Variants in DPP6 observed in about 807,000 individuals in gnomAD.
The protein encoded by DPP6 is A-type potassium channel modulatory protein DPP6.
Under a neutral mutation model 122.6 loss-of-function variants are expected in DPP6, and 69 were observed. The ratio of observed to expected loss-of-function variants is 0.56; its 90% CI spans 0.46 to 0.69. The LOEUF (loss-of-function observed/expected upper bound fraction) is 0.69. DPP6 is among the 30% of genes least tolerant of loss of function. The pLI is 0.00. For synonymous variants in DPP6, 418 were observed against 433.1 expected (o/e 0.97, Z 0.43); for missense variants, 928 against 1,116.9 (o/e 0.83, Z 2.41).
intron 8 of DPP6, among the ~76,000 whole-genome samples, chr7:154,731,432 T>C (rs1842336006): frequency 6.6e-6 from 1 of 152,220 alleles, no homozygotes; most frequent in African/African-American, 2.4e-5. Flanking sequence ...TGGGCAGCCA[T>C]AGAGGCTTCT....
intron 6 of DPP6, among the ~76,000 whole-genome samples, chr7:154,654,215 G>T (rs576070753): frequency 6.6e-6 from 1 of 152,008 alleles, no homozygotes; most frequent in Non-Finnish European, 1.5e-5. Context: ...ATCTGCAGGG[G>T]TGTCCCGGAA....
At chr7:154,074,035 G>A (rs74711974) in intron 1 of DPP6, among the ~76,000 whole-genome samples, 2 of 100,202 alleles carry the variant, frequency 2.0e-5, no homozygotes, top group African/African-American at 3.1e-5. Flanking sequence ...ATGTATGTAT[G>A]TATGTAAGTA....
chr7:154,589,579 C>T (rs1035977548), intron 5 of DPP6, among the ~76,000 whole-genome samples: 3 of 152,218 alleles, frequency 2.0e-5, no homozygotes, highest in South Asian at 2.1e-4. Flanking sequence ...ATTACCCACA[C>T]GTGGCTCTTG....
rs114582447 is a variant in DPP6 at position 154,130,106 on chromosome 7, A to G, written c.243+77043A>G. Among the ~76,000 whole-genome samples, 467 of 152,140 alleles carry G rather than the reference A, an allele frequency of 3.1e-3. 2 individuals are homozygous for G. Among genetic ancestry groups the G allele is most frequent in the African/African-American group, 0.01 (427 of 41,516 alleles). On this transcript the variant is annotated intron_variant, in intron 1 of 25. Transcript: ENST00000377770. Reference sequence around the variant, plus strand: ...TCTGTCCCCCCACACACACAAAAAAAAAAGGAAAGAAAAAAAGAAAAGAAA... The same window carrying G: ...TCTGTCCCCCCACACACACAAAAAAGAAAGGAAAGAAAAAAAGAAAAGAAA...
At chr7:154,623,538 A>ACACACACACACGCACACACGCAACACG (rs1491215895) in intron 5 of DPP6, among the ~76,000 whole-genome samples, 3 of 151,644 alleles carry the variant, frequency 2.0e-5, no homozygotes, top group Non-Finnish European at 2.9e-5. Context: ...GATTTTACAA[A>ACACACACACACGCACACACGCAACACG]CACACACACA....
At chr7:154,652,445 G>T (rs1368043768) in intron 6 of DPP6, among the ~76,000 whole-genome samples, 3 of 148,542 alleles carry the variant, frequency 2.0e-5, no homozygotes, top group Admixed American at 6.7e-5. Flanking sequence ...CACTTAGATT[G>T]GTTTAAAATA....
chr7:153,804,059 T>TC, the DPP6 span, among the ~76,000 whole-genome samples: 3 of 151,694 alleles, frequency 2.0e-5, no homozygotes, highest in Non-Finnish European at 1.5e-5. Flanking sequence ...AGTACTTTTT[T>TC]TTTTTTTTGA....
chr7:154,376,876 T>C (rs1342330984), intron 1 of DPP6, among the ~76,000 whole-genome samples: 1 of 152,208 alleles, frequency 6.6e-6, no homozygotes, highest in Non-Finnish European at 1.5e-5. Flanking sequence ...GGAGAAATTG[T>C]TTGGTACAGT....
At chr7:154,174,534 A>T (rs778417201) in intron 1 of DPP6, among the ~76,000 whole-genome samples, 27 of 152,208 alleles carry the variant, frequency 1.8e-4, no homozygotes, top group Non-Finnish European at 4.0e-4. Flanking sequence ...CAAATGATGG[A>T]ACTAGAAAGC....
chr7:154,453,155 A>G (rs1438128683), intron 2 of DPP6, among the ~76,000 whole-genome samples: 1 of 152,198 alleles, frequency 6.6e-6, no homozygotes, highest in Non-Finnish European at 1.5e-5. Flanking sequence ...CTCCAGCAGG[A>G]TCGGATTTGC....
chr7:153,868,293 G>A, the DPP6 span, among the ~76,000 whole-genome samples: 5 of 151,970 alleles, frequency 3.3e-5, no homozygotes, highest in Non-Finnish European at 7.4e-5. Context: ...GACTTTTTTT[G>A]GTTGGTAAGC....
At chr7:154,056,600 T>C (rs1038323187) in intron 1 of DPP6, among the ~76,000 whole-genome samples, 1 of 152,210 alleles carries the variant, frequency 6.6e-6, no homozygotes, top group Non-Finnish European at 1.5e-5. Flanking sequence ...TTCTTAGCAA[T>C]ACAAATGTGA....
At chr7:154,705,416 C>T (rs560426870) in intron 7 of DPP6, among the ~76,000 whole-genome samples, 6 of 152,318 alleles carry the variant, frequency 3.9e-5, no homozygotes, top group South Asian at 2.1e-4. Flanking sequence ...GTGTTCATCT[C>T]GCTCTCTTCC....
At chr7:153,937,437 CTTTTTTTTTTTTTTTTTTT>C (rs201001951) in intron 1 of DPP6, among the ~76,000 whole-genome samples, 2 of 115,470 alleles carry the variant, frequency 1.7e-5, no homozygotes. Context: ...TCAGAGCTAA[CTTTTTTTTTTTTTTTTTTT>C]TTTTTTTTTT....
chr7:154,108,816 G>A (rs762542834), intron 1 of DPP6, among the ~76,000 whole-genome samples: 4 of 152,166 alleles, frequency 2.6e-5, no homozygotes, highest in Non-Finnish European at 5.9e-5. Flanking sequence ...CACCAACCAA[G>A]GGCAATTCCT....
the DPP6 span, among the ~76,000 whole-genome samples, chr7:153,810,674 CTCT>C: frequency 4.0e-5 from 2 of 49,420 alleles, no homozygotes; most frequent in East Asian, 1.5e-3. Flanking sequence ...TCTCTCTCCT[CTCT>C]CTCTCTCTCT....
At chr7:154,728,743 G>T (rs1842192688) in intron 8 of DPP6, among the ~76,000 whole-genome samples, 1 of 152,172 alleles carries the variant, frequency 6.6e-6, no homozygotes, top group African/African-American at 2.4e-5. Context: ...CCCACTGTCT[G>T]GTGAGGGCTC....
At chr7:153,980,044 A>G (rs1432092430) in intron 1 of DPP6, among the ~76,000 whole-genome samples, 2 of 152,164 alleles carry the variant, frequency 1.3e-5, no homozygotes, top group Non-Finnish European at 2.9e-5. Flanking sequence ...TGGTATCAGG[A>G]TGATGCTGGC....
chr7:154,633,377 C>T (rs1586774812), intron 5 of DPP6, among the ~76,000 whole-genome samples: 2 of 152,146 alleles, frequency 1.3e-5, no homozygotes, highest in East Asian at 3.9e-4. Flanking sequence ...GCTGCGATTA[C>T]AGGCACCCGC....
Sources: allele counts gnomAD v4.1 joint callset (sites outside exome capture counted in the v4.1 genomes callset), GRCh38; gene constraint gnomAD v4.1.1; transcripts MANE v1.5; gene names NCBI Gene and HGNC (gene_info 2026-07-23, HGNC 2026-07-21).